NT5M: variants seen among roughly 807,000 people sequenced by gnomAD.
NT5M encodes 5',3'-nucleotidase, mitochondrial.
In NT5M, 22 loss-of-function variants were observed where a neutral mutation model predicts 22.2. The observed-to-expected ratio is 0.99, with a 90% CI of 0.71 to 1.41. NT5M has a LOEUF of 1.41. Among genes scored for constraint, NT5M ranks in the 40% most tolerant of loss-of-function variants. The pLI is 0.00. For missense variants in NT5M, 322 were observed against 314.8 expected, an observed-to-expected ratio of 1.02 and a Z score of -0.17; for synonymous variants, 167 against 133.0, an observed-to-expected ratio of 1.26 and a Z score of -1.76.
rs962664338 is a variant in NT5M at position 17,336,193 on chromosome 17, A to G, written c.430-8601A>G. On this transcript the variant is annotated intron_variant, in intron 3 of 4. Coordinates refer to ENST00000389022, the MANE Select transcript of NT5M (RefSeq NM_020201.4). ...AATTTTTTGTATTTTTAGTAGAGAC[A>G]GGGTTTCACCGTGTTAGCCAGGATG... Among the ~76,000 whole-genome samples, 13 of 150,464 alleles carry G rather than the reference A, an allele frequency of 8.6e-5. No homozygotes were observed. The Admixed American group carries it at 8.6e-4, about 10-fold the overall frequency.
intron 2 of NT5M, among the ~76,000 whole-genome samples, chr17:17,313,494 T>C (rs1378385192): frequency 1.3e-5 from 2 of 152,164 alleles, no homozygotes; most frequent in Non-Finnish European, 2.9e-5. Flanking sequence ...CGTCAGTAAC[T>C]GAGTGGATAA....
intron 3 of NT5M, among the ~76,000 whole-genome samples, chr17:17,331,631 T>C (rs1313948660): frequency 6.6e-6 from 1 of 151,476 alleles, no homozygotes; most frequent in African/African-American, 2.4e-5. Context: ...AGTCTCGTTC[T>C]GTTGCCCAGG....
intron 3 of NT5M, 149 bp from the exon 4 acceptor site, chr17:17,344,645 C>A: frequency 1.1e-6 from 1 of 904,248 alleles, no homozygotes; most frequent in Non-Finnish European, 1.7e-6. Flanking sequence ...CCAGCACTGA[C>A]TGCCTGGCGC....
chr17:17,312,599 G>A (rs574168946), intron 2 of NT5M, among the ~76,000 whole-genome samples: 5 of 143,922 alleles, frequency 3.5e-5, no homozygotes, highest in Non-Finnish European at 7.5e-5. Context: ...AGCCAAGATT[G>A]CGCCATTGTA....
At chr17:17,333,057 CA>C (rs1327636838) in intron 3 of NT5M, among the ~76,000 whole-genome samples, 1 of 152,130 alleles carries the variant, frequency 6.6e-6, no homozygotes, top group Non-Finnish European at 1.5e-5. Flanking sequence ...TTCTCATAGG[CA>C]GGGAGTGGTG....
chr17:17,331,489 C>T (rs1039440945), intron 3 of NT5M, among the ~76,000 whole-genome samples: 1 of 151,696 alleles, frequency 6.6e-6, no homozygotes, highest in Non-Finnish European at 1.5e-5. Context: ...ATTGGCTGTT[C>T]AGATGGCTAA....
At chr17:17,339,228 T>C (rs192253432) in intron 3 of NT5M, among the ~76,000 whole-genome samples, 1 of 152,310 alleles carries the variant, frequency 6.6e-6, no homozygotes, top group African/African-American at 2.4e-5. Context: ...AGGTATTTTA[T>C]TTTATTTGTA....
intron 2 of NT5M, among the ~76,000 whole-genome samples, chr17:17,314,043 T>TTTTTTTTTC (rs1156814283): frequency 2.0e-5 from 3 of 151,608 alleles, no homozygotes; most frequent in African/African-American, 7.3e-5. Flanking sequence ...ATATATTCTT[T>TTTTTTTTTC]TTTTTTTTGA....
rs548591479 is a variant in NT5M, at chr17:17,320,827, A to T, written c.369-2358A>T. ...CCAGGAGCGCAGGCTAGGACCCAGGATAGGGGAGCCCAGGAGAGCTGGCGT... is the reference window on the plus strand; with the variant it reads ...CCAGGAGCGCAGGCTAGGACCCAGGTTAGGGGAGCCCAGGAGAGCTGGCGT... On this transcript the variant is annotated intron_variant, in intron 2 of 4. Coordinates refer to ENST00000389022, the MANE Select transcript of NT5M (RefSeq NM_020201.4). Among the ~76,000 whole-genome samples the T allele has an allele frequency of 5.9e-5, 9 of 152,230 alleles. No individual in the cohort carries two copies. In the East Asian group the frequency reaches 1.7e-3, roughly 29 times the overall value.
intron 1 of NT5M, among the ~76,000 whole-genome samples, chr17:17,305,741 C>T (rs2048786761): frequency 6.6e-6 from 1 of 152,064 alleles, no homozygotes; most frequent in African/African-American, 2.4e-5. Flanking sequence ...GTCACTTTCC[C>T]CTTGCCTGAC....
intron 2 of NT5M, among the ~76,000 whole-genome samples, chr17:17,312,897 C>T (rs571991620): frequency 2.0e-5 from 3 of 152,162 alleles, no homozygotes; most frequent in East Asian, 1.9e-4. Flanking sequence ...CACTTGAGCC[C>T]AGGAGTTCAA....
At chr17:17,317,246 T>C (rs1306575585) in intron 2 of NT5M, among the ~76,000 whole-genome samples, 4 of 151,616 alleles carry the variant, frequency 2.6e-5, no homozygotes, top group East Asian at 3.9e-4. Flanking sequence ...AGACAGGGTT[T>C]CACCGTATTA....
chr17:17,331,982 G>T (rs2145405486), intron 3 of NT5M, among the ~76,000 whole-genome samples: 1 of 151,434 alleles, frequency 6.6e-6, no homozygotes, highest in East Asian at 1.9e-4. Context: ...GGGTTTCAGT[G>T]TGTTGGCCAG....
intron 3 of NT5M, among the ~76,000 whole-genome samples, chr17:17,330,233 G>C (rs1251364097): frequency 2.7e-5 from 4 of 149,586 alleles, no homozygotes; most frequent in Non-Finnish European, 4.4e-5. Context: ...CCGTGAGACA[G>C]AGGTTGCAGT....
intron 2 of NT5M, among the ~76,000 whole-genome samples, chr17:17,313,097 C>T (rs1378401990): frequency 6.6e-6 from 1 of 152,022 alleles, no homozygotes; most frequent in African/African-American, 2.4e-5. Flanking sequence ...TGGAGAAACC[C>T]TGTCTCTACT....
At chr17:17,303,995 C>G (rs967680617) in intron 1 of NT5M, 178 bp downstream of exon 1, 1 of 1,243,108 alleles carries the variant, frequency 8.0e-7, no homozygotes. Flanking sequence ...GCCCCGCGCT[C>G]AGGATCTGTT....
chr17:17,330,034 C>G (rs898977729), intron 3 of NT5M, among the ~76,000 whole-genome samples: 1 of 152,128 alleles, frequency 6.6e-6, no homozygotes, highest in East Asian at 1.9e-4. Flanking sequence ...GGCGTGGTGG[C>G]TCACGCCTGT....
chr17:17,338,128 G>A (rs756309150), intron 3 of NT5M, among the ~76,000 whole-genome samples: 1 of 151,240 alleles, frequency 6.6e-6, no homozygotes, highest in Admixed American at 6.6e-5. Context: ...CCCAATATAT[G>A]TTCTTGGCAC....
intron 2 of NT5M, among the ~76,000 whole-genome samples, chr17:17,318,857 A>T (rs9896970): frequency 2.4e-4 from 35 of 146,250 alleles, no homozygotes; most frequent in African/African-American, 8.8e-4. Context: ...CCTTGAAAAC[A>T]TGATACTGAG....
Sources: allele counts gnomAD v4.1 joint callset (sites outside exome capture counted in the v4.1 genomes callset), GRCh38; gene constraint gnomAD v4.1.1; transcripts MANE v1.5; gene names NCBI Gene and HGNC (gene_info 2026-07-23, HGNC 2026-07-21).